The following RBFOX1 variants were observed in gnomAD, a reference collection of about 807,000 sequenced individuals.
RBFOX1 encodes RNA binding protein fox-1 homolog 1.
RBFOX1 carries 8 observed loss-of-function variants against 57.7 expected under a neutral mutation model. That is an observed-to-expected ratio of 0.14 (90% CI 0.08 to 0.25). The LOEUF (loss-of-function observed/expected upper bound fraction) is 0.25. RBFOX1 is among the 10% of genes least tolerant of loss of function. RBFOX1 has a pLI of 1.00. For synonymous variants in RBFOX1, 326 were observed against 222.4 expected, an observed-to-expected ratio of 1.47 and a Z score of -4.15; for missense variants, 611 against 548.5, an observed-to-expected ratio of 1.11 and a Z score of -1.14.
intron 2 of RBFOX1, among the ~76,000 whole-genome samples, chr16:6,317,533 A>C (rs1393853653): frequency 7.8e-6 from 1 of 128,698 alleles, no homozygotes; most frequent in Admixed American, 8.5e-5. Context: ...CTATGATCTG[A>C]AAATTACTGC....
chr16:6,422,635 C>G (rs1397973203), intron 2 of RBFOX1, among the ~76,000 whole-genome samples: 1 of 152,112 alleles, frequency 6.6e-6, no homozygotes, highest in Non-Finnish European at 1.5e-5. Context: ...AGTAAGGTGA[C>G]TCACATGGCA....
At chr16:6,175,036 G>A (rs538416726) in intron 1 of RBFOX1, among the ~76,000 whole-genome samples, 1 of 152,268 alleles carries the variant, frequency 6.6e-6, no homozygotes, top group South Asian at 2.1e-4. Flanking sequence ...TGTGGTAATA[G>A]AAACCATACG....
At chr16:6,538,518 G>C (rs6500791) in intron 2 of RBFOX1, among the ~76,000 whole-genome samples, 150,128 of 152,236 alleles carry the variant, frequency 0.99, 74,065 homozygotes, top group Middle Eastern at 1. Context: ...AAATGCATAT[G>C]AAAATCATGA....
chr16:7,188,247 C>T (rs1006496253), intron 4 of RBFOX1, among the ~76,000 whole-genome samples: 1 of 152,150 alleles, frequency 6.6e-6, no homozygotes, highest in African/African-American at 2.4e-5. Flanking sequence ...TGAAATAGTC[C>T]ATGGCTGCAG....
intron 2 of RBFOX1, among the ~76,000 whole-genome samples, chr16:5,598,256 A>C (rs956349790): frequency 3.3e-5 from 5 of 151,954 alleles, no homozygotes; most frequent in Admixed American, 6.6e-5. Flanking sequence ...AAAGTAGTGC[A>C]TAGCATTGCA....
chr16:6,767,240 T>G (rs1397856698), intron 3 of RBFOX1, among the ~76,000 whole-genome samples: 4 of 151,984 alleles, frequency 2.6e-5, no homozygotes, highest in African/African-American at 9.7e-5. Flanking sequence ...AGGGACTGGC[T>G]CCTAGATGAC....
At position 7,518,343 on chromosome 16, in the gene RBFOX1, A is replaced by G; in HGVS notation, c.224A>G (p.Gln75Arg). The G allele has an allele frequency of 2.5e-6, 4 of 1,613,738 alleles. No individual in the cohort carries two copies. The highest frequency in any genetic ancestry group is 3.4e-6 in the Non-Finnish European group (4 of 1,179,802). The change falls in exon 5 of 16, where the codon CAG becomes CGG. Residue 75 changes from glutamine (Q) to arginine (R), a missense_variant. Gln to Arg is a conservative substitution (Grantham distance 43). Transcript: ENST00000550418. ...CCTCCCGCCCAGACGCACTCCGAGC[A>G]GAGCCCGGCGGACACGAGCGCTCAG... ...LYPPAQTHSE[Q>R]SPADTSAQTV...
intron 3 of RBFOX1, among the ~76,000 whole-genome samples, chr16:6,659,735 T>C (rs1280710045): frequency 6.6e-6 from 1 of 152,146 alleles, no homozygotes; most frequent in African/African-American, 2.4e-5. Flanking sequence ...CAGTGAGGAT[T>C]CTTCACAGTG....
At chr16:5,851,026 T>A (rs1015618736) in intron 3 of RBFOX1, among the ~76,000 whole-genome samples, 4 of 152,176 alleles carry the variant, frequency 2.6e-5, no homozygotes, top group African/African-American at 9.7e-5. Flanking sequence ...CCTTGTTGAT[T>A]CCAGCCTCCC....
intron 1 of RBFOX1, among the ~76,000 whole-genome samples, chr16:5,241,930 G>A (rs2062177319): frequency 1.3e-5 from 2 of 150,290 alleles, no homozygotes; most frequent in Non-Finnish European, 1.5e-5. Context: ...GTGAAGCCTC[G>A]CATCTACCAA....
intron 10 of RBFOX1, among the ~76,000 whole-genome samples, chr16:7,608,073 C>G (rs1016649903): frequency 2.0e-5 from 3 of 152,204 alleles, no homozygotes; most frequent in African/African-American, 7.2e-5. Context: ...AACAAGGCTG[C>G]ATTGAATACC....
chr16:6,827,817 G>A (rs2092339765), intron 3 of RBFOX1, among the ~76,000 whole-genome samples: 1 of 152,216 alleles, frequency 6.6e-6, no homozygotes, highest in Non-Finnish European at 1.5e-5. Flanking sequence ...CGCTTCTGCA[G>A]GAATGCCTGC....
At chr16:5,399,473 G>A (rs1863759593) in intron 1 of RBFOX1, among the ~76,000 whole-genome samples, 1 of 152,204 alleles carries the variant, frequency 6.6e-6, no homozygotes, top group South Asian at 2.1e-4. Context: ...CCCATTGGGA[G>A]AATGAACACC....
intron 3 of RBFOX1, among the ~76,000 whole-genome samples, chr16:6,885,828 G>A (rs1416280769): frequency 6.6e-6 from 1 of 152,140 alleles, no homozygotes. Context: ...ACTGCACCCG[G>A]CCTTAGTCAT....
intron 2 of RBFOX1, among the ~76,000 whole-genome samples, chr16:6,415,727 A>G (rs1233928454): frequency 6.6e-6 from 1 of 152,072 alleles, no homozygotes; most frequent in Non-Finnish European, 1.5e-5. Flanking sequence ...AAACAGAACA[A>G]AACAGGAGAG....
intron 3 of RBFOX1, among the ~76,000 whole-genome samples, chr16:5,818,866 C>G (rs2055743077): frequency 6.6e-6 from 1 of 152,078 alleles, no homozygotes; most frequent in African/African-American, 2.4e-5. Context: ...CTTTTATGTC[C>G]CATAGTCTGT....
chr16:5,649,819 G>A (rs2151357873), intron 3 of RBFOX1, among the ~76,000 whole-genome samples: 1 of 152,292 alleles, frequency 6.6e-6, no homozygotes, highest in African/African-American at 2.4e-5. Flanking sequence ...GGGTGGATTT[G>A]ATCCAGGTGT....
At chr16:7,375,485 T>G (rs2147626747) in intron 4 of RBFOX1, among the ~76,000 whole-genome samples, 1 of 152,024 alleles carries the variant, frequency 6.6e-6, no homozygotes, top group Non-Finnish European at 1.5e-5. Flanking sequence ...TCCCATGTGT[T>G]ACGAGAGGTT....
chr16:5,825,175 A>T (rs1240389242), intron 3 of RBFOX1, among the ~76,000 whole-genome samples: 1 of 152,230 alleles, frequency 6.6e-6, no homozygotes, highest in African/African-American at 2.4e-5. Flanking sequence ...CAGCTCGGCT[A>T]TGCACAGCTT....
Sources: gnomAD v4.1 joint callset for allele counts (sites outside exome capture counted in the v4.1 genomes callset) on GRCh38, gnomAD v4.1.1 for gene constraint, MANE v1.5 for transcripts, NCBI Gene and HGNC (gene_info 2026-07-23, HGNC 2026-07-21) for gene names.